SPMIP2: variants seen among roughly 807,000 people sequenced by gnomAD.
The protein encoded by SPMIP2 is protein SPMIP2.
chr4:158,999,755 T>C, the SPMIP2 span, among the ~76,000 whole-genome samples: 2 of 152,216 alleles, frequency 1.3e-5, no homozygotes, highest in Non-Finnish European at 2.9e-5. Flanking sequence ...GTAAAATGGA[T>C]TTATAAACAG....
At chr4:158,981,115 G>C in the SPMIP2 span, among the ~76,000 whole-genome samples, 1 of 152,046 alleles carries the variant, frequency 6.6e-6, no homozygotes, top group East Asian at 1.9e-4. Flanking sequence ...AGAGATTGAA[G>C]ATCAACTGAA....
the SPMIP2 span, among the ~76,000 whole-genome samples, chr4:159,008,365 G>C: frequency 6.6e-6 from 1 of 152,142 alleles, no homozygotes; most frequent in African/African-American, 2.4e-5. Context: ...CTGAGGTCAG[G>C]GGTTCGAGAC....
At chr4:159,047,998 A>G in the SPMIP2 span, among the ~76,000 whole-genome samples, 1 of 152,250 alleles carries the variant, frequency 6.6e-6, no homozygotes, top group Non-Finnish European at 1.5e-5. Flanking sequence ...CCCAGTCTTT[A>G]GAGATGAGGA....
chr4:159,049,438 G>C, the SPMIP2 span, among the ~76,000 whole-genome samples: 2 of 152,180 alleles, frequency 1.3e-5, no homozygotes, highest in Admixed American at 1.3e-4. Context: ...TGCAAACCAA[G>C]TGATTTTTTT....
At chr4:158,919,136 C>T in the SPMIP2 span, among the ~76,000 whole-genome samples, 1 of 152,158 alleles carries the variant, frequency 6.6e-6, no homozygotes, top group Admixed American at 6.5e-5. Flanking sequence ...TACCTGTCAT[C>T]CCCAAGTACG....
the SPMIP2 span, chr4:158,893,722 A>C: frequency 1.9e-6 from 3 of 1,574,538 alleles, no homozygotes; most frequent in African/African-American, 4.0e-5. Flanking sequence ...CCTTTTCTGT[A>C]AGAGAAGTAA....
chr4:158,924,672 G>A, the SPMIP2 span, among the ~76,000 whole-genome samples: 3 of 152,142 alleles, frequency 2.0e-5, no homozygotes, highest in Non-Finnish European at 4.4e-5. Context: ...GTCAGCCACT[G>A]CACCTGGCCT....
chr4:158,939,413 C>A, the SPMIP2 span, among the ~76,000 whole-genome samples: 1 of 152,096 alleles, frequency 6.6e-6, no homozygotes, highest in African/African-American at 2.4e-5. Flanking sequence ...AATCTCCACA[C>A]CACCCCATAA....
chr4:158,897,040 C>A, the SPMIP2 span, among the ~76,000 whole-genome samples: 3 of 151,350 alleles, frequency 2.0e-5, no homozygotes, highest in African/African-American at 7.3e-5. Context: ...TGTTCCCCTT[C>A]CTGTGTGTGT....
the SPMIP2 span, among the ~76,000 whole-genome samples, chr4:158,893,999 G>A: frequency 6.6e-6 from 1 of 152,038 alleles, no homozygotes; most frequent in Non-Finnish European, 1.5e-5. Flanking sequence ...AATGAAACCT[G>A]TGATTAAATG....
chr4:158,954,328 T>C, the SPMIP2 span, among the ~76,000 whole-genome samples: 2 of 138,630 alleles, frequency 1.4e-5, no homozygotes, highest in South Asian at 4.9e-4. Context: ...TTCCTCATTT[T>C]CTCTTGCTGG....
chr4:159,076,487 T>C, the SPMIP2 span, among the ~76,000 whole-genome samples: 3 of 152,088 alleles, frequency 2.0e-5, no homozygotes, highest in Non-Finnish European at 2.9e-5. Flanking sequence ...CCCAGCATAT[T>C]ATGAAAAGCA....
At chr4:158,977,600 CTTTTTTTTTTTTT>C in the SPMIP2 span, among the ~76,000 whole-genome samples, 10 of 72,404 alleles carry the variant, frequency 1.4e-4, no homozygotes, top group South Asian at 7.3e-4. Flanking sequence ...TCCTTCAGTT[CTTTTTTTTTTTTT>C]TTTTTTTTTT....
chr4:158,985,399 A>C, the SPMIP2 span, among the ~76,000 whole-genome samples: 1 of 149,972 alleles, frequency 6.7e-6, no homozygotes, highest in African/African-American at 2.5e-5. Context: ...ATACTGGCAA[A>C]CCGAATCCAG....
the SPMIP2 span, among the ~76,000 whole-genome samples, chr4:158,908,206 C>A: frequency 1.3e-5 from 2 of 151,986 alleles, no homozygotes; most frequent in Admixed American, 6.6e-5. Context: ...AGCATAATGC[C>A]AGGTTAGGGT....
chr4:158,986,903 A>T, the SPMIP2 span, among the ~76,000 whole-genome samples: 10 of 142,374 alleles, frequency 7.0e-5, no homozygotes, highest in African/African-American at 2.6e-4. Flanking sequence ...GCTAATATCC[A>T]GAATCTACAA....
chr4:158,915,053 G>T, the SPMIP2 span: 1 of 895,088 alleles, frequency 1.1e-6, no homozygotes, highest in Non-Finnish European at 1.7e-6. Context: ...TGCTTCGATA[G>T]GTTAAAAGAA....
At chr4:158,955,186 C>T in the SPMIP2 span, among the ~76,000 whole-genome samples, 4 of 152,102 alleles carry the variant, frequency 2.6e-5, no homozygotes, top group Non-Finnish European at 5.9e-5. Context: ...AGTTAACCTA[C>T]ACCCAATAAC....
At chr4:158,959,762 T>C in the SPMIP2 span, among the ~76,000 whole-genome samples, 3 of 152,314 alleles carry the variant, frequency 2.0e-5, no homozygotes, top group African/African-American at 7.2e-5. Flanking sequence ...GCTTGTTTCC[T>C]GTAATTTAAC....
Sources: gnomAD v4.1 joint callset for allele counts (sites outside exome capture counted in the v4.1 genomes callset) on GRCh38, gnomAD v4.1.1 for gene constraint, MANE v1.5 for transcripts, NCBI Gene and HGNC (gene_info 2026-07-23, HGNC 2026-07-21) for gene names.